Variants in GRAMD1C observed in about 807,000 individuals in gnomAD.
GRAMD1C encodes the protein protein Aster-C.
A neutral mutation model predicts 97.8 loss-of-function variants in GRAMD1C; 89 were observed. The observed-to-expected ratio is 0.91, with a 90% CI of 0.77 to 1.09. The LOEUF (loss-of-function observed/expected upper bound fraction) is 1.09. Among genes scored for constraint, GRAMD1C ranks in the 50% least tolerant of loss-of-function variants. The pLI, the probability that GRAMD1C is intolerant of heterozygous loss-of-function variation, is 0.00. For synonymous variants in GRAMD1C, 256 were observed against 267.0 expected (o/e 0.96, Z 0.40); for missense variants, 740 against 766.4 (o/e 0.97, Z 0.41).
chr3:113,887,995 G>A (rs993586230), intron 6 of GRAMD1C, among the ~76,000 whole-genome samples: 4 of 152,100 alleles, frequency 2.6e-5, no homozygotes, highest in Non-Finnish European at 5.9e-5. Flanking sequence ...TTGAATTAAT[G>A]ATAAAGAACC....
At chr3:113,935,776 CA>C (rs1937567944) in intron 13 of GRAMD1C, among the ~76,000 whole-genome samples, 2 of 151,936 alleles carry the variant, frequency 1.3e-5, no homozygotes, top group Non-Finnish European at 2.9e-5. Flanking sequence ...AAAATTCTGG[CA>C]GAGGAAAAGT....
intron 2 of GRAMD1C, among the ~76,000 whole-genome samples, chr3:113,865,202 G>A (rs1011144930): frequency 6.6e-6 from 1 of 152,130 alleles, no homozygotes; most frequent in Non-Finnish European, 1.5e-5. Context: ...GACCCAGAGA[G>A]CACTCCCACA....
At chr3:113,874,119 G>A (rs1159671222) in intron 3 of GRAMD1C, among the ~76,000 whole-genome samples, 2 of 152,146 alleles carry the variant, frequency 1.3e-5, no homozygotes, top group Non-Finnish European at 2.9e-5. Context: ...TGACTAAGTG[G>A]AAACATTTTG....
chr3:113,902,788 G>A (rs558357122), intron 7 of GRAMD1C, among the ~76,000 whole-genome samples: 5 of 149,664 alleles, frequency 3.3e-5, no homozygotes, highest in South Asian at 2.1e-4. Flanking sequence ...CTGGGATTGC[G>A]GTGCCCACCA....
intron 1 of GRAMD1C, among the ~76,000 whole-genome samples, chr3:113,830,091 A>C (rs558482405): frequency 1.3e-5 from 2 of 152,288 alleles, no homozygotes; most frequent in East Asian, 1.9e-4. Flanking sequence ...TATAGGGCAC[A>C]AAAGATTGGT....
At chr3:113,938,325 G>A (rs1204039833) in intron 15 of GRAMD1C, 182 bp downstream of exon 15, 2 of 407,712 alleles carry the variant, frequency 4.9e-6, no homozygotes. Context: ...ATGATTTTCA[G>A]AAGAATTGTT....
intron 10 of GRAMD1C, chr3:113,919,533 G>T: frequency 1.8e-6 from 1 of 551,016 alleles, no homozygotes; most frequent in East Asian, 4.8e-5. Flanking sequence ...ACTCAGAGAA[G>T]AAGTTATGAT....
chr3:113,863,857 C>A (rs1174458031), intron 2 of GRAMD1C, among the ~76,000 whole-genome samples: 5 of 152,136 alleles, frequency 3.3e-5, no homozygotes, highest in African/African-American at 1.2e-4. Context: ...GAGCATTATT[C>A]TAGTGGAGGC....
intron 1 of GRAMD1C, 33 bp downstream of exon 1, chr3:113,838,969 A>C (rs1480619907): frequency 4.9e-6 from 6 of 1,229,842 alleles, no homozygotes; most frequent in Middle Eastern, 2.1e-4. Flanking sequence ...GCAGGTTCCC[A>C]TCTGTGGCTT....
chr3:113,840,619 G>C (rs927880777), intron 1 of GRAMD1C, among the ~76,000 whole-genome samples: 1 of 152,128 alleles, frequency 6.6e-6, no homozygotes, highest in African/African-American at 2.4e-5. Context: ...ACTGGGCATG[G>C]TTGTGTGGCG....
chr3:113,830,279 A>G (rs925786143), intron 1 of GRAMD1C, among the ~76,000 whole-genome samples: 5 of 152,194 alleles, frequency 3.3e-5, no homozygotes, highest in African/African-American at 1.2e-4. Flanking sequence ...GTGACAAAGA[A>G]AAGAGAAGAG....
intron 14 of GRAMD1C, 195 bp downstream of exon 14, chr3:113,936,637 A>G (rs925651543): frequency 1.6e-5 from 7 of 427,308 alleles, no homozygotes; most frequent in Non-Finnish European, 2.9e-5. Flanking sequence ...AATGGCAAGC[A>G]TATAACCAAT....
intron 9 of GRAMD1C, chr3:113,913,053 C>CTTTATTAGTGGTATTAG (rs769798407): frequency 1.9e-6 from 2 of 1,060,074 alleles, no homozygotes; most frequent in East Asian, 6.0e-5. Context: ...TTATTAGTGT[C>CTTTATTAGTGGTATTAG]CTTACCATTC....
In GRAMD1C at chr3:113,915,710, C is replaced by T; in HGVS notation, c.962C>T (p.Pro321Leu). 1 of 1,606,570 alleles carries T rather than the reference C, an allele frequency of 6.2e-7. No individual in the cohort carries two copies. The highest frequency in any genetic ancestry group is 8.5e-7 in the Non-Finnish European group (1 of 1,176,324). ...TSDSVDEENV[P>L]EKDLHGRLFI... ...GTTTCTGTTTTTCCAGAAAATGTTC[C>T]TGAGAAAGATCTTCATGGAAGACTT... The change falls in exon 10 of 18, where the codon CCT (proline) becomes CTT (leucine). Residue 321 changes from proline to leucine, a missense_variant. Transcript: ENST00000358160.
chr3:113,930,803 G>T lies in GRAMD1C; in HGVS notation c.1180G>T (p.Gly394Ter). ...YTIVLNSPLT[G>*]KCTAATEKQT... Reference sequence around the variant, plus strand: ...TATAGTCCTTAATAGTCCACTTACTGGAAAATGCACTGCTGCCACTGAAAA... The same window carrying T: ...TATAGTCCTTAATAGTCCACTTACTTGAAAATGCACTGCTGCCACTGAAAA... Residue 394 changes from glycine (G) to a stop codon, truncating the protein, a stop_gained, in exon 11 of 18, where the codon GGA becomes TGA. Transcript: ENST00000358160. LOFTEE classifies it high-confidence loss of function. The T allele has an allele frequency of 6.2e-7, 1 of 1,604,386 alleles. No individual in the cohort carries two copies. The highest frequency in any genetic ancestry group is 8.5e-7 in the Non-Finnish European group (1 of 1,171,142).
At chr3:113,871,902 G>A (rs1475764964) in intron 3 of GRAMD1C, among the ~76,000 whole-genome samples, 1 of 151,272 alleles carries the variant, frequency 6.6e-6, no homozygotes, top group Admixed American at 6.6e-5. Context: ...GATCATGCCA[G>A]TGCACTCCAG....
intron 6 of GRAMD1C, among the ~76,000 whole-genome samples, chr3:113,893,786 G>A (rs1935827647): frequency 1.3e-5 from 2 of 152,196 alleles, no homozygotes; most frequent in Admixed American, 1.3e-4. Flanking sequence ...TACATTACGT[G>A]TAACAGATGA....
intron 3 of GRAMD1C, among the ~76,000 whole-genome samples, chr3:113,873,963 A>G (rs1252151728): frequency 6.6e-6 from 1 of 152,210 alleles, no homozygotes; most frequent in Non-Finnish European, 1.5e-5. Flanking sequence ...TTAGTGATGA[A>G]TACTAGTTAA....
chr3:113,897,484 T>A, intron 6 of GRAMD1C: 2 of 977,300 alleles, frequency 2.0e-6, no homozygotes, highest in Non-Finnish European at 2.4e-6. Context: ...GAGTGAGGTA[T>A]AACTTCCAAT....
Sources: allele counts gnomAD v4.1 joint callset (sites outside exome capture counted in the v4.1 genomes callset), GRCh38; gene constraint gnomAD v4.1.1; transcripts MANE v1.5; gene names NCBI Gene and HGNC (gene_info 2026-07-23, HGNC 2026-07-21).